The following PKNOX2 variants were observed in gnomAD, a reference collection of about 807,000 sequenced individuals.
The protein encoded by PKNOX2 is homeobox protein PKNOX2.
Under a neutral mutation model 53.1 loss-of-function variants are expected in PKNOX2, and 14 were observed. The observed-to-expected ratio is 0.26, with a 90% CI of 0.17 to 0.41. The LOEUF (loss-of-function observed/expected upper bound fraction) is 0.41. Ranked by LOEUF, PKNOX2 falls within the 10% of genes least tolerant of loss-of-function variation. The pLI, the probability that PKNOX2 is intolerant of heterozygous loss-of-function variation, is 1.00. For synonymous variants in PKNOX2, 257 were observed against 242.8 expected (o/e 1.06, Z -0.54); for missense variants, 496 against 602.8 (o/e 0.82, Z 1.85).
intron 2 of PKNOX2, among the ~76,000 whole-genome samples, chr11:125,250,402 C>T (rs887475596): frequency 3.9e-5 from 6 of 152,228 alleles, no homozygotes; most frequent in African/African-American, 1.4e-4. Context: ...ATCAGCCCTC[C>T]CTCTTCACTG....
intron 2 of PKNOX2, among the ~76,000 whole-genome samples, chr11:125,252,326 C>A (rs1944063608): frequency 1.3e-5 from 2 of 152,134 alleles, no homozygotes; most frequent in Admixed American, 6.5e-5. Flanking sequence ...TCTGGAGAGT[C>A]TCGAAGGACG....
chr11:125,278,359 G>C (rs1946322647), intron 2 of PKNOX2, among the ~76,000 whole-genome samples: 1 of 152,216 alleles, frequency 6.6e-6, no homozygotes, highest in African/African-American at 2.4e-5. Flanking sequence ...AGGGAAGTCT[G>C]GGTTTCCCCT....
intron 1 of PKNOX2, among the ~76,000 whole-genome samples, chr11:125,204,507 G>C (rs2135416863): frequency 6.6e-6 from 1 of 152,268 alleles, no homozygotes. Context: ...TGTGGCTCAA[G>C]CTCCCAATTT....
At chr11:125,356,671 A>G (rs537363662) in intron 4 of PKNOX2, among the ~76,000 whole-genome samples, 1 of 152,332 alleles carries the variant, frequency 6.6e-6, no homozygotes, top group East Asian at 1.9e-4. Flanking sequence ...ACACTGAGGA[A>G]GCCAGACCTG....
At chr11:125,396,945 G>C (rs1954445077) in intron 6 of PKNOX2, among the ~76,000 whole-genome samples, 1 of 152,124 alleles carries the variant, frequency 6.6e-6, no homozygotes, top group Non-Finnish European at 1.5e-5. Context: ...GCATGCACAA[G>C]GTTATTGAAA....
intron 2 of PKNOX2, among the ~76,000 whole-genome samples, chr11:125,296,648 A>G (rs1828673011): frequency 1.3e-5 from 2 of 151,952 alleles, no homozygotes; most frequent in East Asian, 3.9e-4. Flanking sequence ...ATTTATTTTT[A>G]TTTTTGGAGA....
chr11:125,214,701 G>A (rs574789816), intron 1 of PKNOX2, among the ~76,000 whole-genome samples: 2 of 152,168 alleles, frequency 1.3e-5, no homozygotes, highest in South Asian at 2.1e-4. Flanking sequence ...GAGGGGTGGA[G>A]GGGATGGGGT....
chr11:125,242,288 A>G (rs1342388227), intron 2 of PKNOX2, among the ~76,000 whole-genome samples: 1 of 152,202 alleles, frequency 6.6e-6, no homozygotes, highest in African/African-American at 2.4e-5. Context: ...GGGGAACCCC[A>G]GGAGCATCTC....
intron 3 of PKNOX2, among the ~76,000 whole-genome samples, chr11:125,336,340 T>TA (rs1950430386): frequency 6.6e-6 from 1 of 152,054 alleles, no homozygotes. Flanking sequence ...AGCCCTTTTT[T>TA]CTCAGTTTAT....
intron 2 of PKNOX2, among the ~76,000 whole-genome samples, chr11:125,249,970 C>A (rs557764261): frequency 7.2e-6 from 1 of 138,878 alleles, no homozygotes; most frequent in East Asian, 2.2e-4. Flanking sequence ...GAGGCTGAGG[C>A]AAGAGAATCG....
intron 2 of PKNOX2, among the ~76,000 whole-genome samples, chr11:125,271,910 G>A (rs1945819895): frequency 1.3e-5 from 2 of 152,182 alleles, no homozygotes; most frequent in South Asian, 4.1e-4. Context: ...CGTGACAGAT[G>A]CATCATCGAG....
rs539009132 is a variant in PKNOX2, at chr11:125,331,801, C to T, written c.-129-18C>T. 1 of 152,462 alleles carries T rather than the reference C, an allele frequency of 6.6e-6. No homozygotes were observed. Among genetic ancestry groups the T allele is most frequent in the East Asian group, 1.9e-4 (1 of 5,182 alleles). 9.4% of individuals were successfully genotyped at this position (152,462 alleles called of 1,614,324 possible). A position where few individuals can be genotyped will look rare whatever the true frequency, so the allele number is the denominator to read the frequency against. ...TTCTTGCCTTCCCTGCTGAGAGCTG[C>T]TCTACCCTTTTTTGCAGGTGCTTTG... On this transcript the variant is annotated intron_variant, in intron 2 of 12. Coordinates refer to ENST00000298282, the MANE Select transcript of PKNOX2 (RefSeq NM_001382323.2).
At chr11:125,294,968 C>T (rs757045978) in intron 2 of PKNOX2, among the ~76,000 whole-genome samples, 2 of 152,140 alleles carry the variant, frequency 1.3e-5, no homozygotes, top group Non-Finnish European at 2.9e-5. Context: ...GACATGAGAA[C>T]CCACTTGGAG....
chr11:125,373,642 C>T (rs982893942), intron 5 of PKNOX2, among the ~76,000 whole-genome samples: 7 of 152,256 alleles, frequency 4.6e-5, no homozygotes, highest in South Asian at 2.1e-4. Context: ...TGCTGAGAGG[C>T]GGCGCAGCAA....
chr11:125,338,318 A>G (rs1369714954), intron 3 of PKNOX2, among the ~76,000 whole-genome samples: 3 of 152,224 alleles, frequency 2.0e-5, no homozygotes, highest in Non-Finnish European at 4.4e-5. Flanking sequence ...ACGTTTATGA[A>G]CTGCAGGACA....
chr11:125,342,323 C>A (rs768432292), intron 3 of PKNOX2, among the ~76,000 whole-genome samples: 10 of 152,122 alleles, frequency 6.6e-5, no homozygotes, highest in Non-Finnish European at 1.3e-4. Flanking sequence ...AGGTGGAATG[C>A]GTAGGCTTCA....
At chr11:125,303,366 T>C (rs142458172) in intron 2 of PKNOX2, among the ~76,000 whole-genome samples, 2 of 152,242 alleles carry the variant, frequency 1.3e-5, no homozygotes, top group Admixed American at 6.5e-5. Flanking sequence ...ACACAGCTAA[T>C]TGCTGGCAGA....
intron 5 of PKNOX2, among the ~76,000 whole-genome samples, 197 bp downstream of exon 5, chr11:125,368,182 G>A (rs764136093): frequency 4.6e-5 from 7 of 152,210 alleles, no homozygotes; most frequent in Non-Finnish European, 8.8e-5. Context: ...TTCTGGAAAT[G>A]TCTAGGGAAG....
intron 10 of PKNOX2, among the ~76,000 whole-genome samples, chr11:125,419,275 T>C (rs951303722): frequency 6.6e-6 from 1 of 151,744 alleles, no homozygotes; most frequent in Non-Finnish European, 1.5e-5. Context: ...GTTGTGAGAA[T>C]AGAATAAGCG....
Sources: allele counts gnomAD v4.1 joint callset (sites outside exome capture counted in the v4.1 genomes callset), GRCh38; gene constraint gnomAD v4.1.1; transcripts MANE v1.5; gene names NCBI Gene and HGNC (gene_info 2026-07-23, HGNC 2026-07-21).